PLXNB3: variants seen among roughly 807,000 people sequenced by gnomAD.
PLXNB3 encodes plexin B3.
A neutral mutation model predicts 125.7 loss-of-function variants in PLXNB3; 80 were observed. That is an observed-to-expected ratio of 0.64 (90% confidence interval 0.53 to 0.77). The LOEUF is 0.77. Ranked by LOEUF, PLXNB3 falls within the 30% of genes least tolerant of loss-of-function variation. The pLI is 0.00. For synonymous variants in PLXNB3, 954 were observed against 783.3 expected (o/e 1.22, Z -3.64); for missense variants, 1,836 against 1,729.3 (o/e 1.06, Z -1.09).
In PLXNB3 at chrX:153,777,552, G is replaced by A. The variant is rs1557064884; in HGVS notation, c.5125G>A (p.Asp1709Asn). 19 of 1,211,764 alleles carry A rather than the reference G, an allele frequency of 1.6e-5. No homozygotes were observed. In the East Asian group the frequency reaches 2.7e-4, roughly 17 times the overall value. The stretch of plus-strand genomic sequence containing the variant: ...GGGCACGCTGCAGAAGTTTGTGGAC[G>A]ACACCTTCCAGGCCATTCTCAGCGT... ...MKGTLQKFVDDTFQAILSVNR... is the reference protein window; with the variant it reads ...MKGTLQKFVDNTFQAILSVNR... Residue 1709 changes from aspartate to asparagine, a missense_variant, in exon 31 of 36, where the codon GAC (aspartate) becomes AAC (asparagine). Coordinates refer to ENST00000361971, the MANE Select transcript of PLXNB3 (RefSeq NM_005393.3).
intron 4 of PLXNB3, 148 bp downstream of exon 4, chrX:153,768,576 C>G: frequency 1.8e-6 from 1 of 549,188 alleles, no homozygotes. Flanking sequence ...AGCACTGCCC[C>G]CTGCAGCCCG....
In PLXNB3 at chrX:153,766,927, CTGT is replaced by C. The variant is rs1557059429; in HGVS notation, c.101_103del (p.Leu34_Ser35delinsPro). On this transcript the variant is annotated inframe_deletion, in exon 3 of 36. Transcript: ENST00000361971. ...CGGCCTCTGCCTCCTCCTGCTGCTG[CTGT>C]CCCCACCGCCACTGCCCTTGACAGG... 8.3e-7 allele frequency: 1 copy of C among 1,209,081 alleles called. No homozygotes were observed. The highest frequency in any genetic ancestry group is 1.1e-6 in the Non-Finnish European group (1 of 895,003).
rs2092020425 is a variant in PLXNB3 at position 153,778,479 on chromosome X, A to G, written c.5550+8A>G. On this transcript the variant is annotated splice_region_variant and intron_variant, in intron 34 of 35. Coordinates refer to ENST00000361971, the MANE Select transcript of PLXNB3 (RefSeq NM_005393.3). The stretch of plus-strand genomic sequence containing the variant: ...TTGGCTGAGCTCTCCGGGGTGAGGC[A>G]TGGCCCGGGGGGTGCGCCTGTCCAC... 8.3e-7 allele frequency: 1 copy of G among 1,207,204 alleles called. No individual in the cohort carries two copies. The highest frequency in any genetic ancestry group is 1.1e-6 in the Non-Finnish European group (1 of 892,082).
rs1161282905 is a variant in PLXNB3, at chrX:153,775,250, C to T, written c.4181C>T (p.Pro1394Leu). The T allele has an allele frequency of 8.4e-7, 1 of 1,192,763 alleles. No homozygotes were observed. Among genetic ancestry groups the T allele is most frequent in the Non-Finnish European group, 1.1e-6 (1 of 886,717 alleles). ...LTLIHTLEEQ[P>L]SFSQRDRCHV... ...CTCATCCACACCCTGGAGGAGCAGC[C>T]CAGCTTTTCCCAGAGGGATCGCTGC... Residue 1394 changes from proline to leucine, a missense_variant, in exon 25 of 36, where the codon CCC (proline) becomes CTC (leucine). Pro to Leu is a moderately conservative substitution (Grantham distance 98). Coordinates refer to ENST00000361971, the MANE Select transcript of PLXNB3 (RefSeq NM_005393.3).
intron 16 of PLXNB3, 23 bp from the exon 17 acceptor site, chrX:153,772,863 A>T: frequency 2.4e-5 from 26 of 1,089,571 alleles, no homozygotes; most frequent in Non-Finnish European, 3.0e-5. Flanking sequence ...TGCCGTGCCT[A>T]CCCAGCCTGC....
chrX:153,773,587 G>A lies in PLXNB3; in HGVS notation c.3153G>A (p.Trp1051Ter). The A allele has an allele frequency of 8.3e-7, 1 of 1,206,765 alleles. No individual in the cohort carries two copies. The highest frequency in any genetic ancestry group is 3.0e-5 in the East Asian group (1 of 33,816). ...DVVQRPLLSV[W>*]LEADAEVQAS... is the part of the protein sequence containing the mutation. ...TGCAGCGGCCCCTACTGTCTGTGTG[G>A]CTGGAGGCTGACGCAGAGGTGCAGG... is the stretch of plus-strand genomic sequence containing the variant. Residue 1051 changes from tryptophan to a stop codon, truncating the protein, a stop_gained, in exon 19 of 36, where the codon TGG becomes TGA. Coordinates refer to ENST00000361971, the MANE Select transcript of PLXNB3 (RefSeq NM_005393.3). LOFTEE classifies it high-confidence loss of function.
chrX:153,774,194 C>T lies in PLXNB3; in HGVS notation c.3528C>T (p.Gly1176=), dbSNP rs782473032. 3 of 1,203,248 alleles carry T rather than the reference C, an allele frequency of 2.5e-6. No individual in the cohort carries two copies. The highest frequency in any genetic ancestry group is 5.9e-5 in the East Asian group (2 of 33,728). The part of the protein sequence containing the change: ...PGHVLDVEGE[G]LNLGISKEEV... ...TCCCATGTGTGTCCCAGGGCGAGGG[C>T]CTCAACCTGGGCATCAGCAAGGAGG... The change falls in exon 21 of 36, where the codon GGC becomes GGT. Residue 1176 remains glycine, a synonymous_variant. Coordinates refer to ENST00000361971, the MANE Select transcript of PLXNB3 (RefSeq NM_005393.3).
chrX:153,766,165 C>T (rs782819531), intron 2 of PLXNB3: 365 of 1,120,175 alleles, frequency 3.3e-4, no homozygotes, highest in Non-Finnish European at 4.0e-4. Context: ...CCAGCACCCC[C>T]GCTGCCTTGC....
At chrX:153,771,285 G>A (rs781981151) in intron 12 of PLXNB3, 25 bp from the exon 13 acceptor site, 4 of 1,169,591 alleles carry the variant, frequency 3.4e-6, no homozygotes, top group Non-Finnish European at 4.7e-6. Flanking sequence ...TGGGCACCCA[G>A]CCTGACCCCA....
At position 153,779,152 on chromosome X, in the gene PLXNB3, A is replaced by G. The variant is rs2092027414; in HGVS notation, c.*113A>G. On this transcript the variant is annotated 3_prime_UTR_variant, in exon 36 of 36. Transcript: ENST00000361971. ...GCAGAGCCTGGGGGCACAGGGTGCA[A>G]AGCCAGGCACTGTGCCCAGCAGTGG... is the stretch of plus-strand genomic sequence containing the variant. 1 of 530,903 alleles carries G rather than the reference A, an allele frequency of 1.9e-6. No individual in the cohort carries two copies. The highest frequency in any genetic ancestry group is 2.9e-6 in the Non-Finnish European group (1 of 341,401). 43.8% of individuals were successfully genotyped at this position (530,903 alleles called of 1,213,427 possible). A position where few individuals can be genotyped will look rare whatever the true frequency, so the allele number is the denominator to read the frequency against.
rs373692086 is a variant in PLXNB3 at position 153,774,219 on chromosome X, G to A, written c.3553G>A (p.Glu1185Lys). The change falls in exon 21 of 36, where the codon GAG becomes AAG. Residue 1185 changes from glutamate to lysine, a missense_variant. Coordinates refer to ENST00000361971, the MANE Select transcript of PLXNB3 (RefSeq NM_005393.3). ...CCTCAACCTGGGCATCAGCAAGGAG[G>A]AGGTGCGCGTGCACATCGGCCGCGG... The part of the protein sequence containing the change: ...EGLNLGISKE[E>K]VRVHIGRGEC... 7 of 1,201,860 alleles carry A rather than the reference G, an allele frequency of 5.8e-6. No homozygotes were observed. The highest frequency in any genetic ancestry group is 7.8e-6 in the Non-Finnish European group (7 of 894,404).
intron 1 of PLXNB3, 65 bp from the exon 2 acceptor site, chrX:153,765,406 G>C: frequency 7.0e-6 from 6 of 856,625 alleles, no homozygotes; most frequent in East Asian, 7.5e-5. Flanking sequence ...CACCCCCACC[G>C]CCGCCCCTCC....
chrX:153,772,693 C>A (rs898193868), intron 16 of PLXNB3, 193 bp from the exon 17 acceptor site: 16 of 977,417 alleles, frequency 1.6e-5, no homozygotes, highest in Admixed American at 1.5e-4. Flanking sequence ...ACTCCCCATG[C>A]GGCAGGGGTG....
rs782169233 is a variant in PLXNB3, at chrX:153,777,952, C to T, written c.5266C>T (p.Leu1756=). ...TLHIWKTNSL[L]LRFWVNALKN... ...ACGCCTGCCCTGCGCCCCCAGTCTG[C>T]TGCTGCGGTTCTGGGTGAATGCCTT... The change falls in exon 32 of 36, where the codon CTG becomes TTG. Residue 1756 remains leucine, a synonymous_variant. Transcript: ENST00000361971. 1.7e-6 allele frequency: 2 copies of T among 1,205,965 alleles called. No individual in the cohort carries two copies. The highest frequency in any genetic ancestry group is 3.5e-5 in the African/African-American group (2 of 57,699).
intron 6 of PLXNB3, 107 bp from the exon 7 acceptor site, chrX:153,769,700 T>C (rs1249013891): frequency 5.9e-6 from 5 of 850,079 alleles, no homozygotes; most frequent in Non-Finnish European, 6.6e-6. Context: ...CTCCTGCTCA[T>C]TGCACCCCAC....
rs1335927628 is a variant in PLXNB3 at position 153,777,443 on chromosome X, G to T, written c.5100+63G>T. On this transcript the variant is annotated intron_variant, in intron 30 of 35. Coordinates refer to ENST00000361971, the MANE Select transcript of PLXNB3 (RefSeq NM_005393.3). ...TCAGCCAGGGACCCCGACCGAGCCAGGGTGTGGGAGGGGCAGGGGCAGCCT... is the reference window on the plus strand; with the variant it reads ...TCAGCCAGGGACCCCGACCGAGCCATGGTGTGGGAGGGGCAGGGGCAGCCT... The T allele has an allele frequency of 4.2e-6, 5 of 1,180,223 alleles. No homozygotes were observed. In the Admixed American group the frequency reaches 6.7e-5, roughly 16 times the overall value.
rs2091917033 is a variant in PLXNB3, at chrX:153,770,619, A to G, written c.1987A>G (p.Arg663Gly). The change falls in exon 10 of 36, where the codon AGG becomes GGG. Residue 663 changes from arginine (R) to glycine (G), a missense_variant. Transcript: ENST00000361971. ...VYGEHCPEGERTIYSAQEVDI... is the reference protein window; with the variant it reads ...VYGEHCPEGEGTIYSAQEVDI... ...CGGAGAGCACTGCCCAGAGGGCGAG[A>G]GGACCATCTACAGCGCCCAGGAGGT... 1 of 1,210,617 alleles carries G rather than the reference A, an allele frequency of 8.3e-7. No homozygotes were observed.
At chrX:153,773,795 C>T in intron 19 of PLXNB3, 64 bp from the exon 20 acceptor site, 1 of 1,201,462 alleles carries the variant, frequency 8.3e-7, no homozygotes, top group Non-Finnish European at 1.1e-6. Context: ...GGCCGCCATG[C>T]CCCTAGCAGC....
Position 153,776,054 on chromosome X carries a change from G to A in PLXNB3, c.4569G>A (p.Gly1523=), listed in dbSNP as rs782799804. 3 of 1,200,219 alleles carry A rather than the reference G, an allele frequency of 2.5e-6. No individual in the cohort carries two copies. Among genetic ancestry groups the A allele is most frequent in the Middle Eastern group, 2.3e-4 (1 of 4,321 alleles). Residue 1523 remains glycine, a synonymous_variant, in exon 27 of 36, where the codon GGG becomes GGA. Coordinates refer to ENST00000361971, the MANE Select transcript of PLXNB3 (RefSeq NM_005393.3). ...CCCTGACGCTGATGGTGCTGGTGGG[G>A]CCCGGGGCTGGCGGGGCCGCAGGCA... is the stretch of plus-strand genomic sequence containing the variant. The part of the protein sequence containing the change: ...FQPLTLMVLV[G]PGAGGAAGSS...
Sources: gnomAD v4.1 joint callset for allele counts on GRCh38, gnomAD v4.1.1 for gene constraint, MANE v1.5 for transcripts, NCBI Gene and HGNC (gene_info 2026-07-23, HGNC 2026-07-21) for gene names.